The following LARGE1 variants were observed in gnomAD, a reference collection of about 807,000 sequenced individuals.
LARGE1 encodes LARGE xylosyl- and glucuronyltransferase 1.
In LARGE1, 43 loss-of-function variants were observed where a neutral mutation model predicts 87.6. That is an observed-to-expected ratio of 0.49 (90% CI 0.38 to 0.63). The LOEUF (loss-of-function observed/expected upper bound fraction) is 0.63, where lower values mean the gene tolerates loss of function less well. Among genes scored for constraint, LARGE1 ranks in the 30% least tolerant of loss-of-function variants. LARGE1 has a pLI of 0.00. For synonymous variants in LARGE1, 434 were observed against 394.6 expected, an observed-to-expected ratio of 1.10 and a Z score of -1.18; for missense variants, 802 against 1,000.2, an observed-to-expected ratio of 0.80 and a Z score of 2.67.
chr22:33,876,971 C>T (rs1254124814), intron 1 of LARGE1, among the ~76,000 whole-genome samples: 1 of 151,920 alleles, frequency 6.6e-6, no homozygotes, highest in Non-Finnish European at 1.5e-5. Context: ...CCACATAAGC[C>T]CCCTTCACCC....
At chr22:33,403,447 T>A (rs1290541313) in intron 7 of LARGE1, among the ~76,000 whole-genome samples, 1 of 152,142 alleles carries the variant, frequency 6.6e-6, no homozygotes, top group African/African-American at 2.4e-5. Flanking sequence ...GGGAGTAGTG[T>A]CTCCTTATTT....
chr22:33,912,640 C>T (rs893101914), intron 1 of LARGE1, among the ~76,000 whole-genome samples: 1 of 152,160 alleles, frequency 6.6e-6, no homozygotes, highest in African/African-American at 2.4e-5. Context: ...TCAATTCCAG[C>T]CCCAGCCTGT....
chr22:33,189,081 G>A lies in LARGE1; in HGVS notation c.1731-22249C>T, dbSNP rs112013583. 1.7e-3 allele frequency among the ~76,000 whole-genome samples: 259 copies of A among 152,244 alleles called. 1 individual carries two copies. The highest frequency in any genetic ancestry group is 6.0e-3 in the African/African-American group (248 of 41,548). ...AGACTAGGCAATACAGGCCAGTCAG[G>A]CAACCCCCATATTGATGGTTTAAGA... is the stretch of plus-strand genomic sequence containing the variant. On this transcript the variant is annotated intron_variant, in intron 11 of 11. Transcript: ENST00000608642.
At chr22:33,788,369 G>A (rs1178935172) in intron 1 of LARGE1, among the ~76,000 whole-genome samples, 1 of 152,066 alleles carries the variant, frequency 6.6e-6, no homozygotes, top group African/African-American at 2.4e-5. Flanking sequence ...CCCAGTCTTG[G>A]GTGTATCTTT....
At chr22:33,685,427 G>A (rs2081915234) in intron 2 of LARGE1, among the ~76,000 whole-genome samples, 1 of 152,052 alleles carries the variant, frequency 6.6e-6, no homozygotes, top group South Asian at 2.1e-4. Flanking sequence ...GGAGCATTTG[G>A]GGGACAGGGT....
chr22:33,771,146 A>G (rs1286467060), intron 1 of LARGE1, among the ~76,000 whole-genome samples: 5 of 147,872 alleles, frequency 3.4e-5, no homozygotes, highest in African/African-American at 1.0e-4. Context: ...CTTCTTTATC[A>G]TACTCTCTAT....
chr22:33,844,796 C>T (rs938607708), intron 1 of LARGE1, among the ~76,000 whole-genome samples: 1 of 151,698 alleles, frequency 6.6e-6, no homozygotes, highest in Non-Finnish European at 1.5e-5. Context: ...TCTCGGCTCA[C>T]TGCAACCTCC....
In LARGE1 at chr22:33,205,455, T is replaced by G. The variant is rs562395983; in HGVS notation, c.1731-38623A>C. 1.9e-3 allele frequency among the ~76,000 whole-genome samples: 291 copies of G among 152,294 alleles called. 2 individuals carry two copies. The highest frequency in any genetic ancestry group is 3.4e-3 in the Non-Finnish European group (233 of 68,010). On this transcript the variant is annotated intron_variant, in intron 11 of 11. Coordinates refer to the LARGE1 transcript ENST00000608642. ...CTTTTGAAGCTTATATTTCAGTGGA[T>G]GGAGACAGATAATAAATAGCACATA... is the stretch of plus-strand genomic sequence containing the variant.
chr22:33,809,258 G>A (rs148515766), intron 1 of LARGE1, among the ~76,000 whole-genome samples: 8 of 122,088 alleles, frequency 6.6e-5, no homozygotes, highest in African/African-American at 1.7e-4. Flanking sequence ...GTGACAGAGT[G>A]AGACTCCATC....
At chr22:33,538,711 C>T (rs2077107129) in intron 6 of LARGE1, among the ~76,000 whole-genome samples, 1 of 152,122 alleles carries the variant, frequency 6.6e-6, no homozygotes, top group Non-Finnish European at 1.5e-5. Flanking sequence ...GGCACGGCCA[C>T]ACAAAGTAAC....
intron 1 of LARGE1, among the ~76,000 whole-genome samples, chr22:33,881,285 G>A (rs2064675981): frequency 6.6e-6 from 1 of 152,000 alleles, no homozygotes. Flanking sequence ...CTCAAAGCCT[G>A]TAGCGGGCCC....
chr22:33,378,817 C>T (rs756175869), intron 9 of LARGE1, among the ~76,000 whole-genome samples: 1 of 152,224 alleles, frequency 6.6e-6, no homozygotes, highest in African/African-American at 2.4e-5. Flanking sequence ...AAATCCCAGT[C>T]TCCTGTCCTC....
intron 1 of LARGE1, among the ~76,000 whole-genome samples, chr22:33,891,684 G>C (rs967113474): frequency 3.3e-5 from 5 of 152,132 alleles, no homozygotes; most frequent in Non-Finnish European, 5.9e-5. Context: ...ACAGTACATA[G>C]ACCAAATACA....
At chr22:33,530,276 GGAAA>G (rs1459716650) in intron 6 of LARGE1, among the ~76,000 whole-genome samples, 3 of 152,160 alleles carry the variant, frequency 2.0e-5, no homozygotes, top group African/African-American at 7.2e-5. Context: ...GAAAAAGGAT[GGAAA>G]GAATCAGGGG....
intron 10 of LARGE1, among the ~76,000 whole-genome samples, chr22:33,323,389 A>G (rs1041079729): frequency 1.3e-5 from 2 of 152,224 alleles, no homozygotes; most frequent in South Asian, 2.1e-4. Context: ...TTCAGCACAC[A>G]TATCTGTTGT....
chr22:33,683,962 G>T (rs2081864997), intron 2 of LARGE1, among the ~76,000 whole-genome samples: 1 of 152,168 alleles, frequency 6.6e-6, no homozygotes, highest in African/African-American at 2.4e-5. Context: ...ATCACCAGTG[G>T]TTGTAGTAAT....
At chr22:33,237,240 T>C (rs1926297656) in intron 11 of LARGE1, among the ~76,000 whole-genome samples, 1 of 152,210 alleles carries the variant, frequency 6.6e-6, no homozygotes, top group Non-Finnish European at 1.5e-5. Flanking sequence ...TTGCCGTGCA[T>C]AAGTGTAAGA....
At chr22:33,590,517 C>A (rs1367970736) in intron 5 of LARGE1, among the ~76,000 whole-genome samples, 2 of 152,210 alleles carry the variant, frequency 1.3e-5, no homozygotes, top group African/African-American at 4.8e-5. Flanking sequence ...CTTTATAAAA[C>A]AATTTGATCG....
At chr22:33,706,718 C>T (rs916709114) in intron 2 of LARGE1, among the ~76,000 whole-genome samples, 11 of 152,214 alleles carry the variant, frequency 7.2e-5, no homozygotes, top group African/African-American at 2.4e-4. Context: ...AGCTAACCTA[C>T]CTTCTTAGAA....
Sources: allele counts gnomAD v4.1 joint callset (sites outside exome capture counted in the v4.1 genomes callset), GRCh38; gene constraint gnomAD v4.1.1; transcripts MANE v1.5; gene names NCBI Gene and HGNC (gene_info 2026-07-23, HGNC 2026-07-21).